TRIM4: variants seen among roughly 807,000 people sequenced by gnomAD.
TRIM4 encodes tripartite motif containing 4, also known as E3 ubiquitin-protein ligase TRIM4.
Under a neutral mutation model 33.7 loss-of-function variants are expected in TRIM4, and 29 were observed. The observed-to-expected ratio is 0.86, with a 90% CI of 0.64 to 1.17. TRIM4 has a LOEUF of 1.17. TRIM4 is among the 50% of genes most tolerant of loss of function. The probability of loss-of-function intolerance (pLI) is 0.00; values close to 1 mark genes in which losing one functional copy is unlikely to be tolerated. For synonymous variants in TRIM4, 224 were observed against 233.0 expected (o/e 0.96, Z 0.35); for missense variants, 554 against 593.7 (o/e 0.93, Z 0.69).
chr7:99,899,765 C>T (rs1435204171), intron 5 of TRIM4, among the ~76,000 whole-genome samples: 1 of 152,018 alleles, frequency 6.6e-6, no homozygotes, highest in East Asian at 1.9e-4. Flanking sequence ...GGTGTGTGTG[C>T]GCACACGTGC....
chr7:99,893,033 GA>G (rs2151640106), intron 5 of TRIM4, among the ~76,000 whole-genome samples: 1 of 152,276 alleles, frequency 6.6e-6, no homozygotes, highest in African/African-American at 2.4e-5. Flanking sequence ...GAGATCACTG[GA>G]GGTCACGAGA....
At position 99,919,489 on chromosome 7, in the gene TRIM4, T is replaced by C. The variant is rs867199948; in HGVS notation, c.-88A>G. On this transcript the variant is annotated 5_prime_UTR_variant, in exon 1 of 6. Coordinates refer to ENST00000349062, the MANE Select transcript of TRIM4 (RefSeq NM_033091.3). ...AGCGGCCGCGGGGAGGCCAGACGAC[T>C]TCCGAACCGCCGTCACCGCCTCACG... 1 of 1,362,648 alleles carries C rather than the reference T, an allele frequency of 7.3e-7. No individual in the cohort carries two copies. Among genetic ancestry groups the C allele is most frequent in the Middle Eastern group, 2.5e-4 (1 of 3,964 alleles). The allele number at this position is 1,362,648 out of a possible 1,614,324, so 84.4% of individuals were successfully genotyped here.
intron 1 of TRIM4, among the ~76,000 whole-genome samples, chr7:99,918,060 G>A (rs1819596173): frequency 2.0e-5 from 3 of 152,164 alleles, no homozygotes; most frequent in Admixed American, 2.0e-4. Flanking sequence ...AACTGATGAA[G>A]GAAGCTAGTA....
intron 5 of TRIM4, chr7:99,901,986 T>C: frequency 1.6e-6 from 1 of 638,910 alleles, no homozygotes. Context: ...TCCCTGGCTC[T>C]ACCTCAGTTA....
chr7:99,897,043 A>G (rs1819031112), intron 5 of TRIM4, among the ~76,000 whole-genome samples: 1 of 152,216 alleles, frequency 6.6e-6, no homozygotes, highest in Non-Finnish European at 1.5e-5. Flanking sequence ...AAATGGAGAC[A>G]CTGGTTTGTT....
At chr7:99,909,231 G>T (rs1392761039) in intron 2 of TRIM4, among the ~76,000 whole-genome samples, 1 of 151,876 alleles carries the variant, frequency 6.6e-6, no homozygotes, top group East Asian at 1.9e-4. Context: ...AACCTAGGGA[G>T]TATATTTAGG....
In TRIM4 at chr7:99,892,460, C is replaced by G; in HGVS notation, c.1128G>C (p.Met376Ile). The change falls in exon 6 of 6, where the codon ATG becomes ATC. Residue 376 changes from methionine to isoleucine, a missense_variant. By Grantham distance (10) the Met-to-Ile change is conservative. This residue lies in a region of TRIM4 where 290 missense variants were observed against 335.8 expected (regional missense o/e 0.86). Transcript: ENST00000349062. ...ACATTTTTGAACGATCAGTAATTCC[C>G]ATGACGTCCTCCCGACACACCCCAA... The part of the protein sequence containing the change: ...VAVGVCREDV[M>I]GITDRSKMSP... 6.2e-7 allele frequency: 1 copy of G among 1,614,152 alleles called. No homozygotes were observed. The highest frequency in any genetic ancestry group is 8.5e-7 in the Non-Finnish European group (1 of 1,180,006).
At chr7:99,918,893 C>CT in intron 1 of TRIM4, 116 bp downstream of exon 1, 1 of 1,293,262 alleles carries the variant, frequency 7.7e-7, no homozygotes, top group Non-Finnish European at 1.0e-6. Context: ...GTTTCAGGGG[C>CT]TTTTCATGCT....
chr7:99,911,410 C>A (rs2151650713), intron 1 of TRIM4, among the ~76,000 whole-genome samples: 1 of 151,866 alleles, frequency 6.6e-6, no homozygotes, highest in Non-Finnish European at 1.5e-5. Context: ...TGGAGGGTGG[C>A]CTGGGCAACT....
chr7:99,892,215 C>G lies in TRIM4; in HGVS notation c.1373G>C (p.Trp458Ser), dbSNP rs755501651. 6.2e-7 allele frequency: 1 copy of G among 1,613,524 alleles called. No homozygotes were observed. The highest frequency in any genetic ancestry group is 8.5e-7 in the Non-Finnish European group (1 of 1,179,872). ...GACTAAAGATGCTAATGGACTCAAC[C>G]AAAAAAATGGCCGGAGGCGTGAGAC... ...SSVSRLRPFF[W>S]LSPLASLVIP... The change falls in exon 6 of 6, where the codon TGG becomes TCG. Residue 458 changes from tryptophan (W) to serine (S), a missense_variant. This residue lies in a region of TRIM4 where 290 missense variants were observed against 335.8 expected (regional missense o/e 0.86). Transcript: ENST00000349062.
chr7:99,894,609 G>C (rs1818973792), intron 5 of TRIM4, among the ~76,000 whole-genome samples: 1 of 151,618 alleles, frequency 6.6e-6, no homozygotes, highest in Non-Finnish European at 1.5e-5. Flanking sequence ...GGAGGTTGCA[G>C]TAAGCTGAGA....
intron 5 of TRIM4, among the ~76,000 whole-genome samples, chr7:99,897,798 G>A (rs1054318873): frequency 1.3e-5 from 2 of 152,190 alleles, no homozygotes; most frequent in Admixed American, 6.5e-5. Flanking sequence ...GCATTGCAAA[G>A]GGCCCAATCC....
chr7:99,908,924 A>T, intron 2 of TRIM4, 112 bp from the exon 3 acceptor site: 2 of 975,150 alleles, frequency 2.1e-6, no homozygotes, highest in South Asian at 3.4e-5. Flanking sequence ...CCTCTTGAAA[A>T]GCTCCTGCCC....
intron 5 of TRIM4, among the ~76,000 whole-genome samples, chr7:99,893,077 C>T (rs191480966): frequency 2.0e-5 from 3 of 152,220 alleles, no homozygotes; most frequent in Admixed American, 6.5e-5. Flanking sequence ...GGCGAAACCC[C>T]GTCTCTACTG....
intron 1 of TRIM4, among the ~76,000 whole-genome samples, chr7:99,910,627 T>TA (rs1447303031): frequency 1.3e-5 from 2 of 152,218 alleles, no homozygotes; most frequent in Non-Finnish European, 2.9e-5. Flanking sequence ...TGGAAGGATG[T>TA]ATACCCAAGT....
chr7:99,905,090 CAT>C (rs748852814), intron 3 of TRIM4, among the ~76,000 whole-genome samples: 1 of 149,640 alleles, frequency 6.7e-6, no homozygotes, highest in African/African-American at 2.5e-5. Context: ...GGTGTACATA[CAT>C]ATATATATAT....
At chr7:99,902,823 T>G (rs1204142270) in intron 5 of TRIM4, among the ~76,000 whole-genome samples, 1 of 151,194 alleles carries the variant, frequency 6.6e-6, no homozygotes, top group Non-Finnish European at 1.5e-5. Context: ...AAACTCCTAC[T>G]AATCCCTCAA....
chr7:99,906,356 C>T (rs1563086360), intron 3 of TRIM4, among the ~76,000 whole-genome samples: 1 of 151,722 alleles, frequency 6.6e-6, no homozygotes, highest in African/African-American at 2.4e-5. Context: ...CCACGAGTGT[C>T]ATACTTTTTT....
intron 5 of TRIM4, among the ~76,000 whole-genome samples, chr7:99,899,869 C>T (rs999244812): frequency 4.6e-5 from 7 of 152,128 alleles, no homozygotes; most frequent in African/African-American, 9.7e-5. Context: ...CAGCTCACTG[C>T]GGCCTCAACC....
Sources: gnomAD v4.1 joint callset for allele counts (sites outside exome capture counted in the v4.1 genomes callset) on GRCh38, gnomAD v4.1.1 for gene constraint, gnomAD v4.1.1 regional missense constraint, MANE v1.5 for transcripts, NCBI Gene and HGNC (gene_info 2026-07-23, HGNC 2026-07-21) for gene names.